Variants in ELP3 observed in about 807,000 individuals in gnomAD.
The protein encoded by ELP3 is elongator acetyltransferase complex subunit 3.
ELP3 carries 56 observed loss-of-function variants against 74.9 expected under a neutral mutation model. The ratio of observed to expected loss-of-function variants is 0.75; its 90% CI spans 0.60 to 0.93. ELP3 has a LOEUF of 0.93. Among genes scored for constraint, ELP3 ranks in the 40% least tolerant of loss-of-function variants. The pLI, the probability that ELP3 is intolerant of heterozygous loss-of-function variation, is 0.00. For synonymous variants in ELP3, 222 were observed against 239.8 expected (o/e 0.93, Z 0.68); for missense variants, 573 against 686.5 (o/e 0.83, Z 1.85).
chr8:28,103,156 C>G (rs999639354), intron 3 of ELP3, among the ~76,000 whole-genome samples: 1 of 151,580 alleles, frequency 6.6e-6, no homozygotes, highest in Non-Finnish European at 1.5e-5. Flanking sequence ...GGTGACAGAG[C>G]GAGATTCTGT....
At chr8:28,126,509 G>A (rs764859115) in intron 7 of ELP3, among the ~76,000 whole-genome samples, 1 of 152,200 alleles carries the variant, frequency 6.6e-6, no homozygotes, top group Admixed American at 6.5e-5. Flanking sequence ...CACAAAAAGA[G>A]CAGTGGAATT....
At position 28,109,631 on chromosome 8, in the gene ELP3, C is replaced by T. The variant is rs566574893; in HGVS notation, c.394-739C>T. Among the ~76,000 whole-genome samples, 10 of 152,222 alleles carry T rather than the reference C, an allele frequency of 6.6e-5. No homozygotes were observed. In the South Asian group the frequency reaches 1.9e-3, roughly 28 times the overall value. Reference sequence around the variant, plus strand: ...AGTGAGAAATCTTGAGAGTGGAACCCGAATCTGAACATGAGATTCATTTTG... The same window carrying T: ...AGTGAGAAATCTTGAGAGTGGAACCTGAATCTGAACATGAGATTCATTTTG... On this transcript the variant is annotated intron_variant, in intron 5 of 14. Transcript: ENST00000256398.
intron 7 of ELP3, 82 bp from the exon 8 acceptor site, chr8:28,129,420 G>A: frequency 2.1e-6 from 3 of 1,431,148 alleles, no homozygotes; most frequent in Non-Finnish European, 2.9e-6. Context: ...CATACTAGGA[G>A]GACAGAGAGA....
intron 7 of ELP3, among the ~76,000 whole-genome samples, chr8:28,116,880 G>A (rs980717765): frequency 1.1e-4 from 17 of 152,152 alleles, no homozygotes; most frequent in African/African-American, 3.9e-4. Flanking sequence ...CTATACCTTA[G>A]ATAAAATGTG....
rs189571434 is a variant in ELP3 at position 28,115,103 on chromosome 8, T to C, written c.617+1930T>C. On this transcript the variant is annotated intron_variant, in intron 7 of 14. Coordinates refer to ENST00000256398, the MANE Select transcript of ELP3 (RefSeq NM_018091.6). Reference sequence around the variant, plus strand: ...GGGCTGTATACTGAGGTGGGAAAGATAGCGGGAAGAGCAGAGAAAATCTCA... The same window carrying C: ...GGGCTGTATACTGAGGTGGGAAAGACAGCGGGAAGAGCAGAGAAAATCTCA... Among the ~76,000 whole-genome samples, 164 of 152,174 alleles carry C rather than the reference T, an allele frequency of 1.1e-3. 2 individuals are homozygous for C. The highest frequency in any genetic ancestry group is 3.7e-3 in the African/African-American group (155 of 41,504).
chr8:28,169,004 ATTC>A (rs1814415913), intron 14 of ELP3, among the ~76,000 whole-genome samples: 1 of 152,186 alleles, frequency 6.6e-6, no homozygotes, highest in African/African-American at 2.4e-5. Flanking sequence ...GGAATTTCTT[ATTC>A]TTTAGTTGGC....
chr8:28,129,232 G>C, intron 7 of ELP3: 1 of 330,112 alleles, frequency 3.0e-6, no homozygotes, highest in Non-Finnish European at 5.6e-6. Flanking sequence ...ACATTACTAT[G>C]CTAGCTCAGT....
At chr8:28,139,358 G>A (rs1339036558) in intron 10 of ELP3, among the ~76,000 whole-genome samples, 2 of 152,226 alleles carry the variant, frequency 1.3e-5, no homozygotes, top group South Asian at 2.1e-4. Context: ...ATTAGTGTGA[G>A]CACTGTGGTG....
At chr8:28,096,969 A>G (rs1811276320) in intron 1 of ELP3, among the ~76,000 whole-genome samples, 1 of 152,116 alleles carries the variant, frequency 6.6e-6, no homozygotes, top group Non-Finnish European at 1.5e-5. Context: ...TCCTGTATTT[A>G]TTTTTAATAA....
intron 14 of ELP3, among the ~76,000 whole-genome samples, chr8:28,170,483 C>T (rs1043426378): frequency 6.6e-6 from 1 of 152,210 alleles, no homozygotes; most frequent in Admixed American, 6.5e-5. Flanking sequence ...TGCCATCTCT[C>T]TTCCGTGAGG....
At chr8:28,153,830 G>A (rs1813727556) in intron 10 of ELP3, among the ~76,000 whole-genome samples, 1 of 152,090 alleles carries the variant, frequency 6.6e-6, no homozygotes, top group African/African-American at 2.4e-5. Context: ...TTTTTTAATT[G>A]GTTTTTGGTG....
At chr8:28,104,892 T>C (rs1388169694) in intron 3 of ELP3, among the ~76,000 whole-genome samples, 1 of 152,264 alleles carries the variant, frequency 6.6e-6, no homozygotes, top group Non-Finnish European at 1.5e-5. Flanking sequence ...TCTCATCACG[T>C]ACCCAGTTCA....
At chr8:28,100,915 T>C (rs975930366) in intron 3 of ELP3, among the ~76,000 whole-genome samples, 2 of 152,198 alleles carry the variant, frequency 1.3e-5, no homozygotes, top group Non-Finnish European at 1.5e-5. Context: ...CTGTTCCTAA[T>C]GTGATCCCAC....
In ELP3 at chr8:28,095,886, T is replaced by C. The variant is rs961029923; in HGVS notation, c.20-1333T>C. On this transcript the variant is annotated intron_variant, in intron 1 of 14. Transcript: ENST00000256398. ...GTTTTAGCTTTCTCTGCAGTGTGAG[T>C]CCTCAGCCCCCTGGGCCACGGACCA... Among the ~76,000 whole-genome samples the C allele has an allele frequency of 5.3e-5, 8 of 152,192 alleles. No individual in the cohort carries two copies. In the East Asian group the frequency reaches 1.5e-3, roughly 29 times the overall value.
chr8:28,099,746 T>A (rs1201213853), intron 2 of ELP3, 82 bp from the exon 3 acceptor site: 1 of 1,475,036 alleles, frequency 6.8e-7, no homozygotes, highest in Non-Finnish European at 9.4e-7. Flanking sequence ...CAGTTGTTAA[T>A]GATGTTGTTT....
intron 14 of ELP3, chr8:28,183,089 C>A (rs1177210375): frequency 4.4e-6 from 2 of 455,128 alleles, no homozygotes; most frequent in East Asian, 7.0e-5. Context: ...TTCCATGGGT[C>A]TATCTATAAT....
chr8:28,177,849 C>T (rs979283012), intron 14 of ELP3, among the ~76,000 whole-genome samples: 4 of 152,192 alleles, frequency 2.6e-5, no homozygotes, highest in Non-Finnish European at 4.4e-5. Flanking sequence ...TTTCCAGGCT[C>T]CTAGTACATA....
chr8:28,138,302 C>T (rs1049503958), intron 10 of ELP3, among the ~76,000 whole-genome samples: 1 of 152,110 alleles, frequency 6.6e-6, no homozygotes, highest in Non-Finnish European at 1.5e-5. Context: ...TCACTCTTTA[C>T]AGATATTAAT....
upstream of ELP3, chr8:28,092,929 G>A: frequency 1.7e-6 from 1 of 572,436 alleles, no homozygotes; most frequent in Non-Finnish European, 3.1e-6. Context: ...CCCAGGTCGA[G>A]CTTTCTAACC....
Sources: gnomAD v4.1 joint callset for allele counts (sites outside exome capture counted in the v4.1 genomes callset) on GRCh38, gnomAD v4.1.1 for gene constraint, MANE v1.5 for transcripts, NCBI Gene and HGNC (gene_info 2026-07-23, HGNC 2026-07-21) for gene names.